CACNA1I: variants seen among roughly 807,000 people sequenced by gnomAD.
CACNA1I encodes calcium voltage-gated channel subunit alpha1 I.
Under a neutral mutation model 201.6 loss-of-function variants are expected in CACNA1I, and 74 were observed. The observed-to-expected ratio is 0.37, with a 90% CI of 0.30 to 0.45. CACNA1I has a LOEUF of 0.45. CACNA1I is among the 20% of genes least tolerant of loss of function. The pLI is 1.00. For synonymous variants in CACNA1I, 1,431 were observed against 1,345.2 expected, an observed-to-expected ratio of 1.06 and a Z score of -1.40; for missense variants, 2,346 against 3,138.1, an observed-to-expected ratio of 0.75 and a Z score of 6.03.
chr22:39,573,743 A>G (rs936630727), intron 1 of CACNA1I, among the ~76,000 whole-genome samples: 2 of 151,988 alleles, frequency 1.3e-5, no homozygotes, highest in African/African-American at 4.8e-5. Flanking sequence ...CTTGGTTTTC[A>G]CCACCCCTCT....
At chr22:39,600,258 C>T (rs567851463) in intron 2 of CACNA1I, among the ~76,000 whole-genome samples, 94 of 152,232 alleles carry the variant, frequency 6.2e-4, no homozygotes, top group African/African-American at 2.2e-3. Context: ...CTATCTGTTC[C>T]CAGGCTTAGG....
At chr22:39,627,427 G>A (rs749099257) in intron 4 of CACNA1I, among the ~76,000 whole-genome samples, 5 of 152,200 alleles carry the variant, frequency 3.3e-5, no homozygotes, top group African/African-American at 7.2e-5. Flanking sequence ...ACAGCGCCCC[G>A]AACGGCACAC....
chr22:39,650,305 TAA>T (rs136831), intron 10 of CACNA1I, among the ~76,000 whole-genome samples: 52 of 143,898 alleles, frequency 3.6e-4, no homozygotes, highest in Admixed American at 7.6e-4. Flanking sequence ...TTTTCTTCTT[TAA>T]AAAAAAAAAA....
At chr22:39,574,353 T>A (rs542409984) in intron 1 of CACNA1I, among the ~76,000 whole-genome samples, 1 of 151,768 alleles carries the variant, frequency 6.6e-6, no homozygotes, top group South Asian at 2.1e-4. Flanking sequence ...TTGGGTCAGG[T>A]GGGAGAGGGG....
Position 39,676,258 on chromosome 22 carries a change from T to C in CACNA1I, c.4855-1083T>C, listed in dbSNP as rs535036147. 6.6e-6 allele frequency among the ~76,000 whole-genome samples: 1 copy of C among 152,336 alleles called. No individual in the cohort carries two copies. Among genetic ancestry groups the C allele is most frequent in the African/African-American group, 2.4e-5 (1 of 41,568 alleles). On this transcript the variant is annotated intron_variant, in intron 29 of 36. Transcript: ENST00000402142. The surrounding 1 kb of genome is among the most constrained non-coding windows in gnomAD (Gnocchi z 4.8). The stretch of plus-strand genomic sequence containing the variant: ...AGATCCTTCTCAGCGGTCAGGGCCT[T>C]ACAGTTGGCCTCACGGGTGCTCAGT...
At chr22:39,654,312 C>CT (rs1290164243) in intron 10 of CACNA1I, among the ~76,000 whole-genome samples, 1 of 152,230 alleles carries the variant, frequency 6.6e-6, no homozygotes, top group Admixed American at 6.5e-5. Context: ...CAGGCCCTGA[C>CT]TCCCCCTGAG....
intron 1 of CACNA1I, among the ~76,000 whole-genome samples, chr22:39,591,595 G>A (rs1932822791): frequency 6.6e-6 from 1 of 151,528 alleles, no homozygotes; most frequent in East Asian, 2.0e-4. Context: ...GTTTCACTCT[G>A]TCACCCACGC....
Position 39,647,906 on chromosome 22 carries a change from G to A in CACNA1I, c.1547G>A (p.Gly516Glu), listed in dbSNP as rs199672933. 71 of 1,613,614 alleles carry A rather than the reference G, an allele frequency of 4.4e-5. 1 individual carries two copies. The East Asian group carries it at 1.5e-3, about 35-fold the overall frequency. Residue 516 changes from glycine (G) to glutamate (E), a missense_variant, in exon 9 of 37, where the codon GGA becomes GAA. By Grantham distance (98) the Gly-to-Glu change is moderately conservative. This residue lies in a region of CACNA1I where 312 missense variants were observed against 331.5 expected (regional missense o/e 0.94). Coordinates refer to ENST00000402142, the MANE Select transcript of CACNA1I (RefSeq NM_021096.4). ...CQTLHGPASPGNDHSGRELCP... is the reference protein window; with the variant it reads ...CQTLHGPASPENDHSGRELCP... ...ACTTTGCATGGGCCTGCCTCCCCTG[G>A]AAATGATCACTCGGGAAGAGGCAAG...
At position 39,686,383 on chromosome 22, in the gene CACNA1I, C is replaced by A; in HGVS notation, c.6650C>A (p.Ala2217Asp). Residue 2217 changes from alanine (A) to aspartate (D), a missense_variant, in exon 37 of 37, where the codon GCC (alanine) becomes GAC (aspartate). By Grantham distance (126) the Ala-to-Asp change is moderately radical. Around this residue, in one of 13 missense-constraint regions of CACNA1I, gnomAD observed 187 missense variants for 151.0 expected, o/e 1.24. Coordinates refer to ENST00000402142, the MANE Select transcript of CACNA1I (RefSeq NM_021096.4). ...PLPGELEPGD[A>D]ASKRKR Reference sequence around the variant, plus strand: ...CCCGGAGAGCTGGAGCCGGGAGACGCCGCCAGCAAGAGGAAGAGATGAGGG... The same window carrying A: ...CCCGGAGAGCTGGAGCCGGGAGACGACGCCAGCAAGAGGAAGAGATGAGGG... 1 of 1,294,638 alleles carries A rather than the reference C, an allele frequency of 7.7e-7. No homozygotes were observed. The allele number at this position is 1,294,638 out of a possible 1,614,324, so 80.2% of individuals were successfully genotyped here.
chr22:39,591,634 C>T (rs1932823311), intron 1 of CACNA1I, among the ~76,000 whole-genome samples: 1 of 152,086 alleles, frequency 6.6e-6, no homozygotes, highest in African/African-American at 2.4e-5. Context: ...TCTCAGCTCA[C>T]TGAAACCTCC....
At chr22:39,596,701 G>T (rs1254526911) in intron 1 of CACNA1I, among the ~76,000 whole-genome samples, 2 of 151,842 alleles carry the variant, frequency 1.3e-5, no homozygotes, top group African/African-American at 4.8e-5. Context: ...CACTGCTGCT[G>T]CAGGAAGGGT....
intron 3 of CACNA1I, among the ~76,000 whole-genome samples, chr22:39,604,260 G>T (rs935603126): frequency 1.3e-5 from 2 of 152,122 alleles, no homozygotes; most frequent in South Asian, 4.1e-4. Context: ...AAATAAAGAC[G>T]ATGAGGCTCT....
Position 39,686,056 on chromosome 22 carries a change from A to G in CACNA1I, c.6323A>G (p.Glu2108Gly). Residue 2108 changes from glutamate (E) to glycine (G), a missense_variant, in exon 37 of 37, where the codon GAG (glutamate) becomes GGG (glycine). Glu to Gly is a moderately conservative substitution (Grantham distance 98). Coordinates refer to ENST00000402142, the MANE Select transcript of CACNA1I (RefSeq NM_021096.4). Reference protein sequence around the residue: ...THHDSMDPSDEEGRGGAGGGG... With the variant: ...THHDSMDPSDGEGRGGAGGGG... ...CACGACTCCATGGACCCCTCGGACG[A>G]GGAGGGCCGCGGTGGCGCGGGCGGC... The G allele has an allele frequency of 8.1e-7, 1 of 1,232,986 alleles. No individual in the cohort carries two copies. The highest frequency in any genetic ancestry group is 1.0e-6 in the Non-Finnish European group (1 of 991,598). The allele number at this position is 1,232,986 out of a possible 1,614,324, so 76.4% of individuals were successfully genotyped here.
At chr22:39,571,013 C>T (rs558959295) in intron 1 of CACNA1I, 25 bp downstream of exon 1, 31 of 1,589,716 alleles carry the variant, frequency 2.0e-5, no homozygotes, top group African/African-American at 9.4e-5. Flanking sequence ...CTCGGCTGAT[C>T]GGGGCCCTGC....
intron 4 of CACNA1I, among the ~76,000 whole-genome samples, chr22:39,630,691 T>C (rs1407296095): frequency 6.6e-6 from 1 of 152,168 alleles, no homozygotes; most frequent in Non-Finnish European, 1.5e-5. Flanking sequence ...CAGCAGTAAC[T>C]CATGGCAGAG....
intron 1 of CACNA1I, among the ~76,000 whole-genome samples, chr22:39,582,917 C>T (rs1461078680): frequency 6.6e-6 from 1 of 151,138 alleles, no homozygotes; most frequent in Admixed American, 6.6e-5. Flanking sequence ...TCCATTCATC[C>T]ATCTAACCAT....
At chr22:39,593,425 C>T (rs1932845351) in intron 1 of CACNA1I, among the ~76,000 whole-genome samples, 2 of 152,136 alleles carry the variant, frequency 1.3e-5, no homozygotes, top group Admixed American at 6.6e-5. Flanking sequence ...GCTGAGCCAC[C>T]ACCTTGTGAG....
intron 35 of CACNA1I, among the ~76,000 whole-genome samples, chr22:39,683,108 GTGAATTCC>G (rs1222169063): frequency 2.0e-5 from 3 of 152,354 alleles, no homozygotes; most frequent in Middle Eastern, 3.4e-3. Context: ...TAGCCGTTTT[GTGAATTCC>G]TGATACTTAT....
At chr22:39,654,824 G>A (rs938570956) in intron 10 of CACNA1I, among the ~76,000 whole-genome samples, 14 of 152,154 alleles carry the variant, frequency 9.2e-5, no homozygotes, top group African/African-American at 3.4e-4. Flanking sequence ...TCCTCAAGAA[G>A]GATGTGTACA....
Sources: allele counts gnomAD v4.1 joint callset (sites outside exome capture counted in the v4.1 genomes callset), GRCh38; gene constraint gnomAD v4.1.1; regional missense constraint gnomAD v4.1.1; non-coding constraint Gnocchi (gnomAD v3.1); transcripts MANE v1.5; gene names NCBI Gene and HGNC (gene_info 2026-07-23, HGNC 2026-07-21).